The following SCEL variants were observed in gnomAD, a reference collection of about 807,000 sequenced individuals.
SCEL encodes sciellin.
In SCEL, 113 loss-of-function variants were observed where a neutral mutation model predicts 117.6. The ratio of observed to expected loss-of-function variants is 0.96; its 90% CI spans 0.83 to 1.12. The LOEUF is 1.12. Among genes scored for constraint, SCEL ranks in the 50% most tolerant of loss-of-function variants. The pLI, the probability that SCEL is intolerant of heterozygous loss-of-function variation, is 0.00. For synonymous variants in SCEL, 270 were observed against 256.2 expected (o/e 1.05, Z -0.51); for missense variants, 785 against 810.8 (o/e 0.97, Z 0.39).
chr13:77,539,958 A>C (rs1263395792), intron 1 of SCEL, among the ~76,000 whole-genome samples: 1 of 152,228 alleles, frequency 6.6e-6, no homozygotes, highest in African/African-American at 2.4e-5. Flanking sequence ...TGTATGTATC[A>C]GAAAAACACA....
chr13:77,579,536 A>G (rs2086150164), intron 9 of SCEL, among the ~76,000 whole-genome samples: 1 of 152,144 alleles, frequency 6.6e-6, no homozygotes, highest in South Asian at 2.1e-4. Flanking sequence ...TTTTTCCAAA[A>G]CAATTGTTGG....
chr13:77,567,949 T>C (rs1284328638), intron 6 of SCEL, among the ~76,000 whole-genome samples: 2 of 152,240 alleles, frequency 1.3e-5, no homozygotes, highest in African/African-American at 4.8e-5. Context: ...ATCACCATTC[T>C]TACCACATTT....
At chr13:77,582,115 C>A (rs1340716432) in intron 9 of SCEL, among the ~76,000 whole-genome samples, 2 of 152,148 alleles carry the variant, frequency 1.3e-5, no homozygotes, top group Admixed American at 6.5e-5. Flanking sequence ...CTCTCTGTCT[C>A]CTCTCTTAGC....
At chr13:77,634,230 G>T (rs965118719) in intron 28 of SCEL, 149 bp from the exon 29 acceptor site, 20 of 702,060 alleles carry the variant, frequency 2.8e-5, no homozygotes, top group Non-Finnish European at 4.3e-5. Flanking sequence ...GCAGTGCTGT[G>T]TTAATACCAC....
chr13:77,569,513 C>A, intron 8 of SCEL, 62 bp downstream of exon 8: 1 of 1,280,284 alleles, frequency 7.8e-7, no homozygotes, highest in Non-Finnish European at 1.1e-6. Context: ...CATTAGAAAG[C>A]TTCCTCCTCT....
intron 24 of SCEL, among the ~76,000 whole-genome samples, chr13:77,616,234 C>G (rs2089028563): frequency 6.6e-6 from 1 of 151,932 alleles, no homozygotes. Context: ...TATGCTGACA[C>G]ATAAATATTA....
intron 12 of SCEL, among the ~76,000 whole-genome samples, chr13:77,595,905 C>A (rs1014551310): frequency 1.3e-5 from 2 of 152,212 alleles, no homozygotes; most frequent in Non-Finnish European, 2.9e-5. Context: ...GGACTACCCT[C>A]AGCAGCTATT....
chr13:77,608,560 A>T (rs983317948), intron 20 of SCEL, among the ~76,000 whole-genome samples: 8 of 152,224 alleles, frequency 5.3e-5, no homozygotes, highest in African/African-American at 1.7e-4. Context: ...AGATCCAGCC[A>T]CTGCACTCCA....
intron 12 of SCEL, among the ~76,000 whole-genome samples, chr13:77,596,729 G>A (rs531878619): frequency 6.7e-6 from 1 of 148,358 alleles, no homozygotes; most frequent in Admixed American, 6.8e-5. Flanking sequence ...GTGTGGTCGG[G>A]GGTAGGTCAT....
chr13:77,557,281 G>A (rs1454748802), intron 3 of SCEL, among the ~76,000 whole-genome samples: 1 of 152,144 alleles, frequency 6.6e-6, no homozygotes, highest in Non-Finnish European at 1.5e-5. Flanking sequence ...CTAGCTGAGA[G>A]GTTTAAAGAT....
At chr13:77,549,947 C>T (rs752014864) in intron 1 of SCEL, among the ~76,000 whole-genome samples, 8 of 150,848 alleles carry the variant, frequency 5.3e-5, no homozygotes, top group South Asian at 2.1e-4. Context: ...CAAAACCGCA[C>T]GGGCCATATA....
At chr13:77,537,929 C>G (rs1352652387) in intron 1 of SCEL, among the ~76,000 whole-genome samples, 1 of 152,146 alleles carries the variant, frequency 6.6e-6, no homozygotes, top group Non-Finnish European at 1.5e-5. Flanking sequence ...AAATCTTTGG[C>G]CTTGCAGTCC....
At chr13:77,570,993 A>G (rs77484286) in intron 8 of SCEL, among the ~76,000 whole-genome samples, 17,406 of 151,306 alleles carry the variant, frequency 0.12, 1,099 homozygotes, top group Non-Finnish European at 0.15. Flanking sequence ...CACCACGACC[A>G]GCTAATTTTT....
chr13:77,630,500 T>C (rs1277612406), intron 28 of SCEL, among the ~76,000 whole-genome samples: 1 of 152,234 alleles, frequency 6.6e-6, no homozygotes, highest in Non-Finnish European at 1.5e-5. Context: ...TGAACATTCA[T>C]ATATGAGTTT....
chr13:77,639,673 G>A (rs2090468094), intron 30 of SCEL, among the ~76,000 whole-genome samples: 1 of 152,116 alleles, frequency 6.6e-6, no homozygotes, highest in Admixed American at 6.6e-5. Context: ...TTAATAAAAT[G>A]ATGATAAAAA....
intron 1 of SCEL, among the ~76,000 whole-genome samples, chr13:77,538,138 A>G (rs1356607747): frequency 2.8e-5 from 4 of 144,040 alleles, no homozygotes; most frequent in Admixed American, 2.1e-4. Flanking sequence ...TTTTTTTTAA[A>G]TGGAGTCTCG....
At chr13:77,627,906 T>C (rs757691410) in intron 27 of SCEL, 41 bp from the exon 28 acceptor site, 1 of 812,978 alleles carries the variant, frequency 1.2e-6, no homozygotes, top group Non-Finnish European at 1.9e-6. Context: ...TTTCCTATCA[T>C]TATGTTGTAA....
intron 12 of SCEL, 34 bp downstream of exon 12, chr13:77,593,607 T>A: frequency 6.4e-7 from 1 of 1,555,874 alleles, no homozygotes; most frequent in Non-Finnish European, 8.9e-7. Flanking sequence ...TTGGGTTTTA[T>A]CTTCCCTGGT....
chr13:77,558,860 A>G (rs1017352691), intron 3 of SCEL, among the ~76,000 whole-genome samples: 6 of 151,356 alleles, frequency 4.0e-5, no homozygotes, highest in African/African-American at 7.3e-5. Flanking sequence ...GTGTTAAGTA[A>G]TGTTAGTAGA....
Sources: allele counts gnomAD v4.1 joint callset (sites outside exome capture counted in the v4.1 genomes callset), GRCh38; gene constraint gnomAD v4.1.1; transcripts MANE v1.5; gene names NCBI Gene and HGNC (gene_info 2026-07-23, HGNC 2026-07-21).